Variants in MYH14 observed in about 807,000 individuals in gnomAD.
MYH14 encodes the protein myosin heavy chain 14.
MYH14 carries 123 observed loss-of-function variants against 255.5 expected under a neutral mutation model. The observed-to-expected ratio is 0.48, with a 90% CI of 0.42 to 0.56. The LOEUF (loss-of-function observed/expected upper bound fraction) is 0.56. Ranked by LOEUF, MYH14 falls within the 20% of genes least tolerant of loss-of-function variation. MYH14 has a pLI of 0.00. For synonymous variants in MYH14, 1,095 were observed against 1,161.2 expected, an observed-to-expected ratio of 0.94 and a Z score of 1.16; for missense variants, 2,423 against 2,802.3, an observed-to-expected ratio of 0.86 and a Z score of 3.06.
intron 21 of MYH14, among the ~76,000 whole-genome samples, chr19:50,262,215 G>A (rs554781539): frequency 6.6e-5 from 10 of 152,266 alleles, no homozygotes; most frequent in South Asian, 2.1e-4. Context: ...ATCCTGGCAC[G>A]CTTCAGGAAT....
At chr19:50,270,801 T>C (rs1323557082) in intron 24 of MYH14, among the ~76,000 whole-genome samples, 7 of 151,770 alleles carry the variant, frequency 4.6e-5, no homozygotes, top group Admixed American at 4.6e-4. Context: ...TTCACGCCAT[T>C]CTCCTGCCTC....
intron 2 of MYH14, among the ~76,000 whole-genome samples, chr19:50,216,740 A>G (rs2032493083): frequency 6.6e-6 from 1 of 151,724 alleles, no homozygotes. Flanking sequence ...TTCCAGAGAT[A>G]GTCCATGCAT....
chr19:50,291,308 G>GT (rs796418702), intron 36 of MYH14, among the ~76,000 whole-genome samples: 687 of 143,238 alleles, frequency 4.8e-3, no homozygotes, highest in Middle Eastern at 0.018. Context: ...TGTTCAGTTG[G>GT]TTTTTTTTTT....
At chr19:50,262,440 A>G (rs2034917757) in intron 21 of MYH14, among the ~76,000 whole-genome samples, 2 of 151,850 alleles carry the variant, frequency 1.3e-5, no homozygotes. Flanking sequence ...CAGGAGGCCA[A>G]GGCAGGAGAA....
intron 3 of MYH14, among the ~76,000 whole-genome samples, chr19:50,222,243 G>A (rs1242542780): frequency 1.3e-5 from 2 of 152,044 alleles, no homozygotes; most frequent in Non-Finnish European, 2.9e-5. Flanking sequence ...CACTTTGGGA[G>A]GCCGAGGCCG....
intron 12 of MYH14, 131 bp from the exon 13 acceptor site, chr19:50,248,856 G>A: frequency 1.2e-6 from 1 of 802,300 alleles, no homozygotes; most frequent in Non-Finnish European, 2.0e-6. Context: ...GTTCTTGATG[G>A]TACTTACACT....
Position 50,260,670 on chromosome 19 carries a change from C to T in MYH14, c.2379C>T (p.Ala793=). The change falls in exon 20 of 43, where the codon GCC becomes GCT. Residue 793 remains alanine, a synonymous_variant. Coordinates refer to ENST00000642316, the MANE Select transcript of MYH14 (RefSeq NM_001145809.2). The part of the protein sequence containing the change: ...RQRYEILTPN[A]IPKGFMDGKQ... ...GATACGAGATCCTGACACCCAATGCCATCCCCAAGGGCTTCATGGATGGGA... is the reference window on the plus strand; with the variant it reads ...GATACGAGATCCTGACACCCAATGCTATCCCCAAGGGCTTCATGGATGGGA... 2.0e-5 allele frequency: 32 copies of T among 1,613,560 alleles called. No homozygotes were observed. The highest frequency in any genetic ancestry group is 2.6e-5 in the Non-Finnish European group (31 of 1,179,766).
rs2036156453 is a variant in MYH14 at position 50,293,445 on chromosome 19, C to G, written c.5346-119C>G. On this transcript the variant is annotated intron_variant, in intron 38 of 42. Coordinates refer to ENST00000642316, the MANE Select transcript of MYH14 (RefSeq NM_001145809.2). The surrounding 1 kb of genome is among the most constrained non-coding windows in gnomAD (Gnocchi z 4.1). ...AGGTGGGCGGGGTTAACCTCGGGGC[C>G]CCTGGGGTGTGAGGCTGGGGAGATG... The G allele has an allele frequency of 2.6e-6, 4 of 1,539,864 alleles. No homozygotes were observed. The highest frequency in any genetic ancestry group is 2.4e-5 in the South Asian group (2 of 84,458).
In MYH14 at chr19:50,210,552, C is replaced by T. The variant is rs2032128570; in HGVS notation, c.187C>T (p.His63Tyr). 3 of 1,583,122 alleles carry T rather than the reference C, an allele frequency of 1.9e-6. No individual in the cohort carries two copies. In the East Asian group the frequency reaches 7.0e-5, roughly 37 times the overall value. ...TCTCGTGTGGGTGCCTTCGGAGCTT[C>T]ACGGGTTCGAGGCGGCGGCGCTGCG... Reference protein sequence around the residue: ...RRLVWVPSELHGFEAAALRDE... With the variant: ...RRLVWVPSELYGFEAAALRDE... The change falls in exon 2 of 43, where the codon CAC becomes TAC. Residue 63 changes from histidine (H) to tyrosine (Y), a missense_variant. Physicochemically the swap from His to Tyr is moderately conservative, Grantham distance 83 (BLOSUM62 2). Coordinates refer to ENST00000642316, the MANE Select transcript of MYH14 (RefSeq NM_001145809.2).
At position 50,248,946 on chromosome 19, in the gene MYH14, G is replaced by T. The variant is rs765760032; in HGVS notation, c.1330-41G>T. 4 of 1,609,108 alleles carry T rather than the reference G, an allele frequency of 2.5e-6. No homozygotes were observed. The South Asian group carries it at 3.3e-5, about 13-fold the overall frequency. ...CACCCCCGACGTCTTTCAGTCTGCT[G>T]ATGTGCAGGCTGCGCCCTTACCATG... On this transcript the variant is annotated intron_variant, in intron 12 of 42. Transcript: ENST00000642316.
intron 17 of MYH14, among the ~76,000 whole-genome samples, chr19:50,256,448 G>C (rs894122532): frequency 6.6e-6 from 1 of 152,154 alleles, no homozygotes; most frequent in Non-Finnish European, 1.5e-5. Flanking sequence ...CTTGGCTCAC[G>C]GCAACCTCTG....
At chr19:50,296,026 T>G (rs1309452505) in intron 39 of MYH14, among the ~76,000 whole-genome samples, 4 of 151,728 alleles carry the variant, frequency 2.6e-5, no homozygotes, top group Admixed American at 2.6e-4. Context: ...AGAGAATTGC[T>G]TGAACCCAGG....
chr19:50,220,405 T>A (rs910780094), intron 3 of MYH14, among the ~76,000 whole-genome samples: 4 of 149,318 alleles, frequency 2.7e-5, no homozygotes, highest in Admixed American at 6.7e-5. Flanking sequence ...TATTATACTT[T>A]ATATTTATTT....
rs1215134894 is a variant in MYH14 at position 50,225,652 on chromosome 19, T to G, written c.785T>G (p.Val262Gly). The change falls in exon 7 of 43, where the codon GTG (valine) becomes GGG (glycine). Residue 262 changes from valine (V) to glycine (G), a missense_variant. Transcript: ENST00000642316. ...GAGGCCTTTGGCAATGCCAAGACAG[T>G]GAAGAATGACAACTCCTCCCGATTC... ...ILEAFGNAKT[V>G]KNDNSSRFGK... The G allele has an allele frequency of 3.1e-6, 5 of 1,613,688 alleles. No individual in the cohort carries two copies. The highest frequency in any genetic ancestry group is 4.2e-6 in the Non-Finnish European group (5 of 1,179,896).
chr19:50,236,284 G>C (rs1023932182), intron 10 of MYH14, among the ~76,000 whole-genome samples: 3 of 152,156 alleles, frequency 2.0e-5, no homozygotes, highest in Non-Finnish European at 4.4e-5. Context: ...AGTGAACCGA[G>C]ATCATGCCAC....
chr19:50,255,907 T>C (rs1294883596), intron 17 of MYH14, among the ~76,000 whole-genome samples: 1 of 150,412 alleles, frequency 6.6e-6, no homozygotes, highest in African/African-American at 2.5e-5. Context: ...TTGATGGCGC[T>C]TGAATGGGAT....
intron 1 of MYH14, among the ~76,000 whole-genome samples, chr19:50,208,209 G>A (rs1218789918): frequency 6.6e-6 from 1 of 152,220 alleles, no homozygotes; most frequent in Non-Finnish European, 1.5e-5. Context: ...GAGGTTAGGA[G>A]TTTGAGACCA....
At chr19:50,254,217 CA>C (rs56737609) in intron 16 of MYH14, among the ~76,000 whole-genome samples, 15,293 of 85,146 alleles carry the variant, frequency 0.18, 1,154 homozygotes, top group African/African-American at 0.32. Flanking sequence ...AACTCTGTCT[CA>C]AAAAAAAAAA....
At chr19:50,228,228 G>A (rs1001311488) in intron 8 of MYH14, among the ~76,000 whole-genome samples, 14 of 151,328 alleles carry the variant, frequency 9.3e-5, no homozygotes, top group African/African-American at 3.4e-4. Context: ...AGAGGTTGCA[G>A]TGAGCCGAGA....
Sources: allele counts gnomAD v4.1 joint callset (sites outside exome capture counted in the v4.1 genomes callset), GRCh38; gene constraint gnomAD v4.1.1; non-coding constraint Gnocchi (gnomAD v3.1); transcripts MANE v1.5; gene names NCBI Gene and HGNC (gene_info 2026-07-23, HGNC 2026-07-21).